MRTFA: variants seen among roughly 807,000 people sequenced by gnomAD.
MRTFA encodes the protein myocardin related transcription factor A.
In MRTFA, 20 loss-of-function variants were observed where a neutral mutation model predicts 83.5. The observed-to-expected ratio is 0.24, with a 90% confidence interval of 0.17 to 0.35. MRTFA has a LOEUF of 0.35. Among genes scored for constraint, MRTFA ranks in the 10% least tolerant of loss-of-function variants. The pLI is 1.00. For synonymous variants in MRTFA, 659 were observed against 541.2 expected, an observed-to-expected ratio of 1.22 and a Z score of -3.02; for missense variants, 1,200 against 1,224.7, an observed-to-expected ratio of 0.98 and a Z score of 0.30.
At chr22:40,517,285 T>C (rs1468057743) in intron 3 of MRTFA, among the ~76,000 whole-genome samples, 1 of 152,054 alleles carries the variant, frequency 6.6e-6, no homozygotes, top group Admixed American at 6.6e-5. Flanking sequence ...TACATTTACG[T>C]TGTAGTGTTC....
intron 4 of MRTFA, among the ~76,000 whole-genome samples, chr22:40,444,770 A>G (rs995556304): frequency 6.8e-6 from 1 of 146,620 alleles, no homozygotes; most frequent in Non-Finnish European, 1.5e-5. Context: ...TTTATGTTTT[A>G]AAAAAAAAAA....
intron 4 of MRTFA, among the ~76,000 whole-genome samples, chr22:40,462,467 G>T (rs904757358): frequency 6.6e-6 from 1 of 152,162 alleles, no homozygotes; most frequent in African/African-American, 2.4e-5. Flanking sequence ...TTGACTTACA[G>T]TGTATCCAAG....
chr22:40,581,700 T>C (rs1262435796), intron 2 of MRTFA, among the ~76,000 whole-genome samples: 3 of 152,146 alleles, frequency 2.0e-5, no homozygotes, highest in Admixed American at 6.5e-5. Flanking sequence ...ACTATGGAAT[T>C]TTACATCTAA....
At chr22:40,463,118 G>A (rs1159082781) in intron 4 of MRTFA, 103 bp downstream of exon 4, 46 of 955,718 alleles carry the variant, frequency 4.8e-5, no homozygotes, top group Middle Eastern at 2.2e-4. Context: ...AAAATAAAAC[G>A]CATCATCCTT....
At chr22:40,593,248 C>T (rs2056146635) in intron 2 of MRTFA, among the ~76,000 whole-genome samples, 1 of 152,178 alleles carries the variant, frequency 6.6e-6, no homozygotes, top group African/African-American at 2.4e-5. Flanking sequence ...TAAAACACTA[C>T]AAAATTCTAT....
chr22:40,552,988 T>C (rs1049932973), intron 2 of MRTFA, among the ~76,000 whole-genome samples: 45 of 152,284 alleles, frequency 3.0e-4, no homozygotes, highest in African/African-American at 1.1e-3. Context: ...CAGGCTGAAA[T>C]GGTCTCAGAT....
chr22:40,428,381 A>G (rs8136751), intron 7 of MRTFA, among the ~76,000 whole-genome samples: 2 of 152,194 alleles, frequency 1.3e-5, no homozygotes, highest in African/African-American at 4.8e-5. Context: ...CAGAATACCA[A>G]CACCAGAAGT....
chr22:40,602,193 C>T (rs1171007155), intron 1 of MRTFA, among the ~76,000 whole-genome samples: 1 of 152,172 alleles, frequency 6.6e-6, no homozygotes. Flanking sequence ...CACAAAATCA[C>T]ACCATCTCAG....
rs570503310 is a variant in MRTFA at position 40,506,854 on chromosome 22, G to C, written c.242-43568C>G. 1.1e-4 allele frequency among the ~76,000 whole-genome samples: 17 copies of C among 152,280 alleles called. 1 individual carries two copies. The South Asian group carries it at 3.3e-3, about 30-fold the overall frequency. ...AGCTAACCGAGTGTACTAGCTACCAGCAAGCACATGTGACACACAAAAAGT... is the reference window on the plus strand; with the variant it reads ...AGCTAACCGAGTGTACTAGCTACCACCAAGCACATGTGACACACAAAAAGT... On this transcript the variant is annotated intron_variant, in intron 3 of 14. Coordinates refer to ENST00000355630, the MANE Select transcript of MRTFA (RefSeq NM_020831.6).
chr22:40,564,820 T>C (rs1306121238), intron 2 of MRTFA, among the ~76,000 whole-genome samples: 2 of 151,954 alleles, frequency 1.3e-5, no homozygotes, highest in African/African-American at 4.8e-5. Context: ...CCCGGCTCAT[T>C]TTTTGTATTT....
Position 40,530,040 on chromosome 22 carries a change from G to C in MRTFA, c.241+22066C>G, listed in dbSNP as rs2147274105. On this transcript the variant is annotated intron_variant, in intron 3 of 14. Transcript: ENST00000355630. ...TCATTAAGATCAGATTTATGTCGTG[G>C]GACCAAAGCATACCTAAGGAACTGT... 2.6e-5 allele frequency among the ~76,000 whole-genome samples: 4 copies of C among 152,206 alleles called. No homozygotes were observed. The Middle Eastern group carries it at 0.01, about 388-fold the overall frequency.
chr22:40,566,769 G>C (rs954371783), intron 2 of MRTFA, among the ~76,000 whole-genome samples: 2 of 152,182 alleles, frequency 1.3e-5, no homozygotes, highest in Non-Finnish European at 2.9e-5. Flanking sequence ...CGAGGCGGAG[G>C]TTGCAGTGAG....
intron 14 of MRTFA, among the ~76,000 whole-genome samples, chr22:40,414,479 C>T (rs1231530585): frequency 6.6e-6 from 1 of 152,186 alleles, no homozygotes; most frequent in Non-Finnish European, 1.5e-5. Context: ...GCCCAGGTGT[C>T]CAGCCACAGA....
chr22:40,529,726 G>A (rs2055042959), intron 3 of MRTFA, among the ~76,000 whole-genome samples: 2 of 152,210 alleles, frequency 1.3e-5, no homozygotes, highest in Non-Finnish European at 2.9e-5. Flanking sequence ...AAACTTGAGT[G>A]TATAGGTTGT....
intron 2 of MRTFA, among the ~76,000 whole-genome samples, chr22:40,559,702 T>C (rs1452053559): frequency 6.6e-6 from 1 of 152,192 alleles, no homozygotes; most frequent in Non-Finnish European, 1.5e-5. Flanking sequence ...CCACCTTGCC[T>C]GACAGAACAC....
At chr22:40,582,595 TA>T (rs34859440) in intron 2 of MRTFA, among the ~76,000 whole-genome samples, 1 of 151,070 alleles carries the variant, frequency 6.6e-6, no homozygotes, top group African/African-American at 2.4e-5. Context: ...ATTCATAGTC[TA>T]AAAAAAAACT....
chr22:40,495,155 C>G (rs1318887599), intron 3 of MRTFA, among the ~76,000 whole-genome samples: 6 of 151,856 alleles, frequency 4.0e-5, no homozygotes, highest in African/African-American at 1.2e-4. Flanking sequence ...GAGAGGATTG[C>G]TTGAGCCCAG....
intron 3 of MRTFA, among the ~76,000 whole-genome samples, chr22:40,469,034 A>T (rs1422168532): frequency 6.6e-6 from 1 of 152,232 alleles, no homozygotes; most frequent in East Asian, 1.9e-4. Context: ...ATACTAGAGC[A>T]TTTCTACATT....
chr22:40,636,447 G>T (rs950876836), intron 1 of MRTFA, 31 bp downstream of exon 1: 1 of 152,246 alleles, frequency 6.6e-6, no homozygotes, highest in Non-Finnish European at 1.5e-5. Flanking sequence ...CCGCGGTGGG[G>T]GAGGGGTCCC....
Sources: allele counts gnomAD v4.1 joint callset (sites outside exome capture counted in the v4.1 genomes callset), GRCh38; gene constraint gnomAD v4.1.1; transcripts MANE v1.5; gene names NCBI Gene and HGNC (gene_info 2026-07-23, HGNC 2026-07-21).